NBAS: variants seen among roughly 807,000 people sequenced by gnomAD.
The protein encoded by NBAS is NAG/BC035112 fusion.
A neutral mutation model predicts 302.5 loss-of-function variants in NBAS; 219 were observed. The ratio of observed to expected loss-of-function variants is 0.72; its 90% CI spans 0.65 to 0.81. The LOEUF (loss-of-function observed/expected upper bound fraction) is 0.81, where lower values mean the gene tolerates loss of function less well. Among genes scored for constraint, NBAS ranks in the 30% least tolerant of loss-of-function variants. NBAS has a pLI of 0.00. For missense variants in NBAS, 2,932 were observed against 2,841.6 expected (o/e 1.03, Z -0.72); for synonymous variants, 1,118 against 1,021.6 (o/e 1.09, Z -1.80).
the NBAS span, among the ~76,000 whole-genome samples, chr2:14,789,066 C>T: frequency 6.6e-6 from 1 of 152,342 alleles, no homozygotes; most frequent in East Asian, 1.9e-4. Flanking sequence ...CTCGCTGCCG[C>T]CTTGCAGTTT....
At chr2:15,077,657 A>G in the NBAS span, among the ~76,000 whole-genome samples, 1 of 151,620 alleles carries the variant, frequency 6.6e-6, no homozygotes, top group African/African-American at 2.4e-5. Flanking sequence ...AAACCCAAGA[A>G]GGCTTCTTTC....
intron 35 of NBAS, among the ~76,000 whole-genome samples, chr2:15,338,710 C>CACACACACACATAT (rs1454097551): frequency 6.7e-6 from 1 of 148,746 alleles, no homozygotes; most frequent in Non-Finnish European, 1.5e-5. Flanking sequence ...CACACACACA[C>CACACACACACATAT]ATCAAATTAG....
At chr2:15,086,187 A>T in the NBAS span, among the ~76,000 whole-genome samples, 2 of 152,268 alleles carry the variant, frequency 1.3e-5, no homozygotes, top group African/African-American at 4.8e-5. Context: ...CCCCAGGCTG[A>T]GCTAGAGCAG....
At chr2:15,001,141 C>T in the NBAS span, among the ~76,000 whole-genome samples, 1 of 152,122 alleles carries the variant, frequency 6.6e-6, no homozygotes, top group African/African-American at 2.4e-5. Context: ...ATTTAATGCC[C>T]TTATGAGGAA....
At chr2:15,516,967 T>TTAAA (rs1662422646) in intron 9 of NBAS, among the ~76,000 whole-genome samples, 1 of 152,134 alleles carries the variant, frequency 6.6e-6, no homozygotes, top group African/African-American at 2.4e-5. Context: ...TAAAAACTAC[T>TTAAA]AGCGAGATTG....
chr2:15,174,591 T>C (rs547194771), intron 51 of NBAS, among the ~76,000 whole-genome samples: 30 of 152,238 alleles, frequency 2.0e-4, no homozygotes, highest in Admixed American at 6.5e-4. Flanking sequence ...GGGGTAGGTC[T>C]GCTCTAGTGT....
chr2:15,437,163 G>C (rs1678063193), intron 21 of NBAS, among the ~76,000 whole-genome samples: 2 of 152,096 alleles, frequency 1.3e-5, no homozygotes, highest in Admixed American at 1.3e-4. Flanking sequence ...CTCTTCGCCT[G>C]TGTATGAGCA....
the NBAS span, among the ~76,000 whole-genome samples, chr2:15,023,594 T>C: frequency 7.0e-6 from 1 of 143,562 alleles, no homozygotes; most frequent in Non-Finnish European, 1.5e-5. Context: ...CTATCAGTTT[T>C]ATGTTTCTCT....
At chr2:14,806,037 A>G in the NBAS span, among the ~76,000 whole-genome samples, 5 of 152,228 alleles carry the variant, frequency 3.3e-5, no homozygotes, top group African/African-American at 1.2e-4. Flanking sequence ...ATTTTATTAC[A>G]TGCTGGAGAT....
Position 15,330,420 on chromosome 2 carries a change from A to T in NBAS, c.4347+178T>A, listed in dbSNP as rs139870945. Among the ~76,000 whole-genome samples the T allele has an allele frequency of 1.4e-3, 215 of 152,366 alleles. 1 individual carries two copies. Among genetic ancestry groups the T allele is most frequent in the Middle Eastern group, 3.4e-3 (1 of 294 alleles). ...TGTCCTTTGCAAGTACTCCATGGGA[A>T]TATATTACATTCTATAAAAGAGATT... is the stretch of plus-strand genomic sequence containing the variant. On this transcript the variant is annotated intron_variant, in intron 36 of 51. Transcript: ENST00000281513.
chr2:15,328,714 C>T (rs1265620342), intron 36 of NBAS, among the ~76,000 whole-genome samples: 2 of 152,172 alleles, frequency 1.3e-5, no homozygotes, highest in Non-Finnish European at 2.9e-5. Flanking sequence ...TTTAGTAGCT[C>T]TGAACAAGGC....
At chr2:15,068,673 C>A in the NBAS span, among the ~76,000 whole-genome samples, 1 of 152,224 alleles carries the variant, frequency 6.6e-6, no homozygotes, top group Non-Finnish European at 1.5e-5. Context: ...GTCATAGTGA[C>A]TCCGATTTGC....
the NBAS span, among the ~76,000 whole-genome samples, chr2:14,881,331 A>G: frequency 4.6e-5 from 7 of 152,182 alleles, no homozygotes; most frequent in African/African-American, 7.2e-5. Context: ...CATAAAATCA[A>G]TGGAAACAAC....
chr2:15,437,605 G>A (rs1392215125), intron 21 of NBAS, among the ~76,000 whole-genome samples: 1 of 152,238 alleles, frequency 6.6e-6, no homozygotes, highest in Non-Finnish European at 1.5e-5. Flanking sequence ...ACACACTTTA[G>A]TGTTGATGAG....
At chr2:15,529,286 G>A (rs1176686997) in intron 9 of NBAS, among the ~76,000 whole-genome samples, 1 of 152,204 alleles carries the variant, frequency 6.6e-6, no homozygotes, top group African/African-American at 2.4e-5. Context: ...GATTGCTTGA[G>A]CTCAGGAATG....
the NBAS span, among the ~76,000 whole-genome samples, chr2:15,009,832 A>G: frequency 1.3e-5 from 2 of 151,874 alleles, no homozygotes; most frequent in Non-Finnish European, 2.9e-5. Context: ...ATGTGGACCT[A>G]ATATCTCTAC....
At chr2:14,925,895 C>A in the NBAS span, among the ~76,000 whole-genome samples, 1 of 152,158 alleles carries the variant, frequency 6.6e-6, no homozygotes. Context: ...TTCAACTCAC[C>A]TTTTGGATCA....
chr2:15,322,596 A>G (rs1671863079), intron 38 of NBAS, among the ~76,000 whole-genome samples: 1 of 152,156 alleles, frequency 6.6e-6, no homozygotes, highest in Admixed American at 6.5e-5. Flanking sequence ...ATAAATAATG[A>G]CCAACTTTCT....
intron 48 of NBAS, among the ~76,000 whole-genome samples, chr2:15,215,346 A>C (rs1428063672): frequency 6.6e-6 from 1 of 152,212 alleles, no homozygotes; most frequent in Non-Finnish European, 1.5e-5. Flanking sequence ...TTAATTTTGC[A>C]GGAGCTGGCT....
Sources: allele counts gnomAD v4.1 joint callset (sites outside exome capture counted in the v4.1 genomes callset), GRCh38; gene constraint gnomAD v4.1.1; transcripts MANE v1.5; gene names NCBI Gene and HGNC (gene_info 2026-07-23, HGNC 2026-07-21).